TRIM42: variants seen among roughly 807,000 people sequenced by gnomAD.
The protein encoded by TRIM42 is tripartite motif containing 42.
TRIM42 carries 59 observed loss-of-function variants against 64.9 expected under a neutral mutation model. The ratio of observed to expected loss-of-function variants is 0.91; its 90% CI spans 0.74 to 1.13. The LOEUF is 1.13. TRIM42 is among the 50% of genes most tolerant of loss of function. The pLI, the probability that TRIM42 is intolerant of heterozygous loss-of-function variation, is 0.00. For missense variants in TRIM42, 878 were observed against 929.5 expected (o/e 0.94, Z 0.72); for synonymous variants, 354 against 346.3 (o/e 1.02, Z -0.25).
At position 140,688,549 on chromosome 3, in the gene TRIM42, A is replaced by G; in HGVS notation, c.1860+7A>G. On this transcript the variant is annotated splice_region_variant and intron_variant, in intron 3 of 4. Transcript: ENST00000286349. ...GTACCCAAGAGCTGCCAAGGTAAGA[A>G]AGGTTCTGGGCCCAGTGGGGAAGTG... 6.3e-7 allele frequency: 1 copy of G among 1,599,014 alleles called. No homozygotes were observed. The highest frequency in any genetic ancestry group is 8.5e-7 in the Non-Finnish European group (1 of 1,171,958).
At chr3:140,680,331 A>C (rs1406468943) in intron 1 of TRIM42, among the ~76,000 whole-genome samples, 1 of 151,716 alleles carries the variant, frequency 6.6e-6, no homozygotes, top group South Asian at 2.1e-4. Context: ...TCAGCACCTT[A>C]CTTGTCCTGC....
rs766767369 is a variant in TRIM42 at position 140,688,360 on chromosome 3, C to G, written c.1678C>G (p.Gln560Glu). ...GGGTCTGGAGGCCTGTGGGAGAGCC[C>G]AGTCAGCCACCCCCGCCAAACCCAC... is the stretch of plus-strand genomic sequence containing the variant. ...KVGLEACGRA[Q>E]SATPAKPTDG... is the part of the protein sequence containing the mutation. Residue 560 changes from glutamine (Q) to glutamate (E), a missense_variant, in exon 3 of 5, where the codon CAG becomes GAG. By Grantham distance (29) the Gln-to-Glu change is conservative (BLOSUM62 2). Coordinates refer to ENST00000286349, the MANE Select transcript of TRIM42 (RefSeq NM_152616.5). The G allele has an allele frequency of 3.1e-6, 5 of 1,614,146 alleles. No homozygotes were observed. The highest frequency in any genetic ancestry group is 4.2e-6 in the Non-Finnish European group (5 of 1,180,012).
rs116722840 is a variant in TRIM42, at chr3:140,699,272, G to A, written c.2086-1616G>A. On this transcript the variant is annotated intron_variant, in intron 4 of 4. Transcript: ENST00000286349. ...GGTTTATTGCATCTATAATTATAAG[G>A]GAATTGGGCTCAATTTTTTGCTTAT... is the stretch of plus-strand genomic sequence containing the variant. Among the ~76,000 whole-genome samples, 210 of 152,188 alleles carry A rather than the reference G, an allele frequency of 1.4e-3. 1 individual carries two copies. The highest frequency in any genetic ancestry group is 4.9e-3 in the African/African-American group (205 of 41,528).
chr3:140,682,540 G>C lies in TRIM42; in HGVS notation c.420G>C (p.Leu140=). 1 of 1,614,228 alleles carries C rather than the reference G, an allele frequency of 6.2e-7. No homozygotes were observed. The highest frequency in any genetic ancestry group is 8.5e-7 in the Non-Finnish European group (1 of 1,180,038). Residue 140 remains leucine, a synonymous_variant, in exon 2 of 5, where the codon CTG becomes CTC. Coordinates refer to ENST00000286349, the MANE Select transcript of TRIM42 (RefSeq NM_152616.5). ...EVKSIPANSH[L]VNHLNCPMCS... ...AGTCAATACCAGCCAACAGTCACCT[G>C]GTGAACCACCTCAATTGCCCCATGT...
chr3:140,691,119 C>G lies in TRIM42; in HGVS notation c.2012C>G (p.Pro671Arg). The stretch of plus-strand genomic sequence containing the variant: ...AATCTGGAGCTGCACAACCTGACCC[C>G]CAACACAGAATACGTGTTTAAAGTT... ...QQNLELHNLT[P>R]NTEYVFKVRA... Residue 671 changes from proline to arginine, a missense_variant, in exon 4 of 5, where the codon CCC becomes CGC. Physicochemically the swap from Pro to Arg is moderately radical, Grantham distance 103 (BLOSUM62 -2). Coordinates refer to ENST00000286349, the MANE Select transcript of TRIM42 (RefSeq NM_152616.5). 1 of 1,614,046 alleles carries G rather than the reference C, an allele frequency of 6.2e-7. No individual in the cohort carries two copies. The highest frequency in any genetic ancestry group is 8.5e-7 in the Non-Finnish European group (1 of 1,179,992).
Position 140,688,012 on chromosome 3 carries a change from C to T in TRIM42, c.1330C>T (p.Gln444Ter), listed in dbSNP as rs887925034. 5 of 1,614,174 alleles carry T rather than the reference C, an allele frequency of 3.1e-6. No individual in the cohort carries two copies. The highest frequency in any genetic ancestry group is 3.4e-6 in the Non-Finnish European group (4 of 1,180,024). Reference protein sequence around the residue: ...LKETGQVAFLQSAKILVDQIE... With the variant: ...LKETGQVAFL Reference sequence around the variant, plus strand: ...GGAGACTGGCCAGGTGGCATTCCTGCAGTCAGCCAAGATCCTGGTGGACCA... The same window carrying T: ...GGAGACTGGCCAGGTGGCATTCCTGTAGTCAGCCAAGATCCTGGTGGACCA... The change falls in exon 3 of 5, where the codon CAG becomes TAG. Residue 444 changes from glutamine to a stop codon, truncating the protein, a stop_gained. Transcript: ENST00000286349. LOFTEE classifies it high-confidence loss of function.
chr3:140,696,119 A>T (rs1988840224), intron 4 of TRIM42, among the ~76,000 whole-genome samples: 1 of 152,178 alleles, frequency 6.6e-6, no homozygotes, highest in African/African-American at 2.4e-5. Context: ...ATGGTCCATC[A>T]TTAGCACTGA....
chr3:140,690,907 A>G, intron 3 of TRIM42, 61 bp from the exon 4 acceptor site: 1 of 1,380,490 alleles, frequency 7.2e-7, no homozygotes, highest in East Asian at 2.3e-5. Flanking sequence ...CAAATCTTTA[A>G]GGGAAAGAAA....
Position 140,691,117 on chromosome 3 carries a change from C to G in TRIM42, c.2010C>G (p.Thr670=). 1 of 1,614,094 alleles carries G rather than the reference C, an allele frequency of 6.2e-7. No homozygotes were observed. Among genetic ancestry groups the G allele is most frequent in the Non-Finnish European group, 8.5e-7 (1 of 1,179,998 alleles). ...MQQNLELHNL[T]PNTEYVFKVR... ...AAAATCTGGAGCTGCACAACCTGACCCCCAACACAGAATACGTGTTTAAAG... is the reference window on the plus strand; with the variant it reads ...AAAATCTGGAGCTGCACAACCTGACGCCCAACACAGAATACGTGTTTAAAG... Residue 670 remains threonine (T), a synonymous_variant, in exon 4 of 5, where the codon ACC becomes ACG. Coordinates refer to ENST00000286349, the MANE Select transcript of TRIM42 (RefSeq NM_152616.5).
intron 4 of TRIM42, among the ~76,000 whole-genome samples, chr3:140,694,118 A>G (rs1470122781): frequency 2.0e-5 from 3 of 152,224 alleles, no homozygotes; most frequent in Non-Finnish European, 4.4e-5. Context: ...TAAGTCTGGA[A>G]CAGGGTAGGC....
chr3:140,692,496 G>C (rs1187872326), intron 4 of TRIM42, among the ~76,000 whole-genome samples: 1 of 111,002 alleles, frequency 9.0e-6, no homozygotes, highest in Non-Finnish European at 2.1e-5. Flanking sequence ...ACCTCATAGA[G>C]TCCAGCACCC....
chr3:140,681,383 A>G lies in TRIM42; in HGVS notation c.342-1079A>G, dbSNP rs943928503. ...ACATGGATTACCTTTTAGACTTTAT[A>G]AAAACCTCACAAAGCAAGTAGTACT... is the stretch of plus-strand genomic sequence containing the variant. On this transcript the variant is annotated intron_variant, in intron 1 of 4. Transcript: ENST00000286349. Among the ~76,000 whole-genome samples the G allele has an allele frequency of 3.9e-4, 59 of 152,228 alleles. 1 individual carries two copies. Among genetic ancestry groups the G allele is most frequent in the African/African-American group, 1.4e-3 (58 of 41,446 alleles).
At chr3:140,691,866 GAATAAA>G (rs1988724176) in intron 4 of TRIM42, among the ~76,000 whole-genome samples, 1 of 151,738 alleles carries the variant, frequency 6.6e-6, no homozygotes, top group Admixed American at 6.6e-5. Flanking sequence ...AGGAGAAAGA[GAATAAA>G]AATACCAAGA....
rs746425660 is a variant in TRIM42 at position 140,688,522 on chromosome 3, G to A, written c.1840G>A (p.Val614Met). ...PGPIVIYQTL[V>M]YPRAAKVYWT... ...CCCAATTGTTATCTACCAGACTCTGGTGTACCCAAGAGCTGCCAAGGTAAG... is the reference window on the plus strand; with the variant it reads ...CCCAATTGTTATCTACCAGACTCTGATGTACCCAAGAGCTGCCAAGGTAAG... The change falls in exon 3 of 5, where the codon GTG becomes ATG. Residue 614 changes from valine to methionine, a missense_variant. By Grantham distance (21) the Val-to-Met change is conservative. Transcript: ENST00000286349. 6.2e-6 allele frequency: 10 copies of A among 1,611,434 alleles called. No homozygotes were observed. The highest frequency in any genetic ancestry group is 1.3e-5 in the African/African-American group (1 of 74,892).
chr3:140,690,531 GTATATATATATATA>G (rs56969249), intron 3 of TRIM42, among the ~76,000 whole-genome samples: 2,952 of 103,758 alleles, frequency 0.028, 66 homozygotes, highest in African/African-American at 0.037. Context: ...AAGTTTTTAT[GTATATATATATATA>G]TATATATATA....
intron 4 of TRIM42, among the ~76,000 whole-genome samples, chr3:140,692,562 C>CACACACACAGAG (rs375439126): frequency 1.4e-4 from 16 of 114,164 alleles, no homozygotes; most frequent in Non-Finnish European, 2.3e-4. Flanking sequence ...CACACACACA[C>CACACACACAGAG]AGAGAGAGAT....
intron 4 of TRIM42, 47 bp downstream of exon 4, chr3:140,691,239 G>T (rs371218440): frequency 6.6e-6 from 10 of 1,504,182 alleles, no homozygotes; most frequent in East Asian, 4.5e-5. Flanking sequence ...TCTATGGTAG[G>T]TTCTGGATGA....
intron 1 of TRIM42, among the ~76,000 whole-genome samples, chr3:140,681,889 GT>G (rs1427982306): frequency 1.3e-5 from 2 of 151,416 alleles, no homozygotes; most frequent in East Asian, 2.0e-4. Flanking sequence ...AATCAACTAG[GT>G]TTTTTGGTTA....
Position 140,682,979 on chromosome 3 carries a change from G to C in TRIM42, c.859G>C (p.Glu287Gln). 3 of 1,614,208 alleles carry C rather than the reference G, an allele frequency of 1.9e-6. No individual in the cohort carries two copies. Among genetic ancestry groups the C allele is most frequent in the Non-Finnish European group, 2.5e-6 (3 of 1,180,042 alleles). Residue 287 changes from glutamate to glutamine, a missense_variant, in exon 2 of 5, where the codon GAG (glutamate) becomes CAG (glutamine). By Grantham distance (29) the Glu-to-Gln change is conservative. Transcript: ENST00000286349. ...FVDTSAEEQD[E>Q]KICIHHPSSR... ...GGACACCAGCGCCGAGGAACAGGAC[G>C]AGAAGATCTGCATCCACCACCCATC... is the stretch of plus-strand genomic sequence containing the variant.
Sources: allele counts gnomAD v4.1 joint callset (sites outside exome capture counted in the v4.1 genomes callset), GRCh38; gene constraint gnomAD v4.1.1; transcripts MANE v1.5; gene names NCBI Gene and HGNC (gene_info 2026-07-23, HGNC 2026-07-21).